Variants in SMOC2 observed in about 807,000 individuals in gnomAD.
SMOC2 encodes the protein SPARC-related modular calcium-binding protein 2.
Under a neutral mutation model 61.4 loss-of-function variants are expected in SMOC2, and 39 were observed. The observed-to-expected ratio is 0.64, with a 90% CI of 0.49 to 0.83. The LOEUF (loss-of-function observed/expected upper bound fraction) is 0.83. SMOC2 is among the 40% of genes least tolerant of loss of function. SMOC2 has a pLI of 0.00. For synonymous variants in SMOC2, 247 were observed against 239.9 expected (o/e 1.03, Z -0.27); for missense variants, 556 against 592.9 (o/e 0.94, Z 0.65).
At chr6:168,582,878 GT>G (rs1315850591) in intron 7 of SMOC2, among the ~76,000 whole-genome samples, 2 of 152,114 alleles carry the variant, frequency 1.3e-5, no homozygotes, top group Admixed American at 1.3e-4. Context: ...GCCCCTCCCG[GT>G]TTTTATCTTT....
At chr6:168,450,883 C>A (rs920483708) in intron 1 of SMOC2, among the ~76,000 whole-genome samples, 2 of 152,196 alleles carry the variant, frequency 1.3e-5, no homozygotes, top group Admixed American at 1.3e-4. Flanking sequence ...GTTTCCACCA[C>A]TCATTGTTTT....
chr6:168,581,927 AG>A (rs1361508731), intron 7 of SMOC2, among the ~76,000 whole-genome samples: 1 of 152,168 alleles, frequency 6.6e-6, no homozygotes, highest in Non-Finnish European at 1.5e-5. Context: ...CTCCGTGCAG[AG>A]GCCTTCTCTG....
intron 4 of SMOC2, among the ~76,000 whole-genome samples, chr6:168,536,676 G>A (rs1783740548): frequency 6.6e-6 from 1 of 152,166 alleles, no homozygotes; most frequent in Non-Finnish European, 1.5e-5. Flanking sequence ...GGAGAGAGGG[G>A]AGATGAGGTG....
At chr6:168,558,510 G>A (rs937211743) in intron 7 of SMOC2, among the ~76,000 whole-genome samples, 4 of 152,098 alleles carry the variant, frequency 2.6e-5, no homozygotes, top group Non-Finnish European at 5.9e-5. Flanking sequence ...GCTGGTTCTC[G>A]GCCCCCCCTG....
chr6:168,518,061 C>T (rs2144747), intron 2 of SMOC2, among the ~76,000 whole-genome samples: 127,846 of 152,266 alleles, frequency 0.84, 54,834 homozygotes, highest in East Asian at 0.96. Context: ...TCGTACTCAG[C>T]GGCCTAGAAA....
intron 9 of SMOC2, among the ~76,000 whole-genome samples, chr6:168,646,271 C>G (rs376133947): frequency 1.1e-4 from 16 of 152,200 alleles, no homozygotes; most frequent in African/African-American, 3.4e-4. Flanking sequence ...TGGCACAATC[C>G]AGACCCACGA....
At chr6:168,447,143 T>C (rs1350492447) in intron 1 of SMOC2, among the ~76,000 whole-genome samples, 5 of 152,232 alleles carry the variant, frequency 3.3e-5, no homozygotes, top group African/African-American at 4.8e-5. Context: ...CTTGGCTCAC[T>C]GTAACCTCTG....
At chr6:168,493,251 G>T (rs945066162) in intron 1 of SMOC2, among the ~76,000 whole-genome samples, 1 of 152,062 alleles carries the variant, frequency 6.6e-6, no homozygotes, top group Non-Finnish European at 1.5e-5. Context: ...TGGTCAGGCT[G>T]GTCTCGAACT....
chr6:168,651,329 G>A (rs1215794845), intron 10 of SMOC2, among the ~76,000 whole-genome samples: 1 of 152,054 alleles, frequency 6.6e-6, no homozygotes, highest in African/African-American at 2.4e-5. Context: ...TACCTGGTAG[G>A]CATTCCCGCA....
intron 11 of SMOC2, among the ~76,000 whole-genome samples, chr6:168,657,813 T>G (rs1276091388): frequency 1.3e-5 from 2 of 152,156 alleles, no homozygotes; most frequent in Non-Finnish European, 2.9e-5. Flanking sequence ...AAACACATTC[T>G]TTCCTAGGAG....
Position 168,653,098 on chromosome 6 carries a change from C to T in SMOC2, c.1155C>T (p.Pro385=), listed in dbSNP as rs73244546. ...FKRFLRKKSK[P]KKCVKKFVEY... ...GGTTCCTTCGCAAAAAATCAAAGCC[C>T]AAAAAATGTGTGAAGAAGTTTGTTG... The change falls in exon 11 of 13, where the codon CCC becomes CCT. Residue 385 remains proline (P), a synonymous_variant. Coordinates refer to ENST00000356284, the MANE Select transcript of SMOC2 (RefSeq NM_001166412.2). 1.7e-3 allele frequency: 2,740 copies of T among 1,614,072 alleles called. 45 individuals are homozygous for T. In the African/African-American group the frequency reaches 0.033, roughly 19 times the overall value.
At chr6:168,657,384 C>T (rs1401546563) in intron 11 of SMOC2, among the ~76,000 whole-genome samples, 2 of 152,254 alleles carry the variant, frequency 1.3e-5, no homozygotes, top group Admixed American at 1.3e-4. Context: ...TGCTGGGCTA[C>T]ACTTGCTGTT....
intron 1 of SMOC2, among the ~76,000 whole-genome samples, chr6:168,494,299 G>T (rs1346103859): frequency 6.6e-6 from 1 of 152,184 alleles, no homozygotes; most frequent in Non-Finnish European, 1.5e-5. Flanking sequence ...GTAGTTCAGT[G>T]GTAGGGCAGG....
chr6:168,591,347 T>G (rs1373235166), intron 7 of SMOC2, among the ~76,000 whole-genome samples: 1 of 152,170 alleles, frequency 6.6e-6, no homozygotes, highest in Non-Finnish European at 1.5e-5. Context: ...AACCACCAAA[T>G]AGAACTACCT....
chr6:168,540,347 C>T (rs1479131799), intron 4 of SMOC2, among the ~76,000 whole-genome samples: 3 of 152,206 alleles, frequency 2.0e-5, no homozygotes, highest in South Asian at 2.1e-4. Context: ...GAGGGGACCT[C>T]TCCCCAGCTG....
At chr6:168,448,486 G>A (rs565857530) in intron 1 of SMOC2, among the ~76,000 whole-genome samples, 9 of 149,414 alleles carry the variant, frequency 6.0e-5, no homozygotes, top group Admixed American at 4.6e-4. Flanking sequence ...AGATGGGGAT[G>A]AGGAGGAGGA....
intron 11 of SMOC2, among the ~76,000 whole-genome samples, chr6:168,661,209 T>A (rs1787501862): frequency 6.6e-6 from 1 of 152,174 alleles, no homozygotes; most frequent in Admixed American, 6.5e-5. Context: ...AACCTAAAGA[T>A]CCAGGAAGAA....
chr6:168,484,481 G>C (rs1270910787), intron 1 of SMOC2, among the ~76,000 whole-genome samples: 1 of 152,154 alleles, frequency 6.6e-6, no homozygotes, highest in African/African-American at 2.4e-5. Context: ...GAACGTTTGT[G>C]CACTGTTGGT....
intron 8 of SMOC2, among the ~76,000 whole-genome samples, chr6:168,607,046 C>T (rs1042266053): frequency 6.6e-6 from 1 of 152,000 alleles, no homozygotes; most frequent in Non-Finnish European, 1.5e-5. Context: ...CAGAAAGGGG[C>T]GGTGGGTGTG....
Sources: gnomAD v4.1 joint callset for allele counts (sites outside exome capture counted in the v4.1 genomes callset) on GRCh38, gnomAD v4.1.1 for gene constraint, MANE v1.5 for transcripts, NCBI Gene and HGNC (gene_info 2026-07-23, HGNC 2026-07-21) for gene names.